Variants in RNF25 observed in about 807,000 individuals in gnomAD.
RNF25 encodes E3 ubiquitin-protein ligase RNF25.
Under a neutral mutation model 65.0 loss-of-function variants are expected in RNF25, and 32 were observed. The observed-to-expected ratio is 0.49, with a 90% CI of 0.37 to 0.66. RNF25 has a LOEUF of 0.66. Ranked by LOEUF, RNF25 falls within the 30% of genes least tolerant of loss-of-function variation. The pLI, the probability that RNF25 is intolerant of heterozygous loss-of-function variation, is 0.00. For synonymous variants in RNF25, 207 were observed against 221.2 expected (o/e 0.94, Z 0.57); for missense variants, 493 against 584.8 (o/e 0.84, Z 1.62).
At chr2:218,670,200 T>TA (rs71403058) in intron 1 of RNF25, among the ~76,000 whole-genome samples, 2,151 of 120,664 alleles carry the variant, frequency 0.018, 48 homozygotes, top group African/African-American at 0.039. Flanking sequence ...CTCTGTCTCT[T>TA]AAAAAAAAAA....
Position 218,664,802 on chromosome 2 carries a change from C to T in RNF25, c.738G>A (p.Gln246=). Residue 246 remains glutamine, a synonymous_variant, in exon 9 of 10, where the codon CAG becomes CAA. Coordinates refer to ENST00000295704, the MANE Select transcript of RNF25 (RefSeq NM_022453.3). This position sits in a 1 kb window ranked among gnomAD's most constrained non-coding sequence, Gnocchi z 5.1. ...EERKRLYQRQ[Q]ERGGIIDLEA... ...CAAGGTCAATGATTCCCCCCCGCTC[C>T]TGCTGCCTCTGGTAGAGCCGCTTGC... is the stretch of plus-strand genomic sequence containing the variant. 2 of 1,614,278 alleles carry T rather than the reference C, an allele frequency of 1.2e-6. No homozygotes were observed. The highest frequency in any genetic ancestry group is 1.7e-6 in the Non-Finnish European group (2 of 1,180,054).
intron 1 of RNF25, among the ~76,000 whole-genome samples, chr2:218,668,995 A>C (rs1319589722): frequency 2.0e-5 from 3 of 152,296 alleles, no homozygotes; most frequent in Non-Finnish European, 2.9e-5. Context: ...TTTAAGTTTC[A>C]TTCCCCTTAG....
At chr2:218,666,114 C>G (rs1179229085) in intron 6 of RNF25, 45 bp downstream of exon 6, 3 of 1,612,366 alleles carry the variant, frequency 1.9e-6, no homozygotes, top group Non-Finnish European at 2.5e-6. Context: ...CAGCCCTCAT[C>G]TGCTGGTCCC....
chr2:218,671,883 T>C (rs755215914), intron 1 of RNF25, 47 bp downstream of exon 1: 27 of 1,610,402 alleles, frequency 1.7e-5, no homozygotes, highest in Non-Finnish European at 2.3e-5. Flanking sequence ...GCTAGGCCTC[T>C]GGACTAGATC....
At position 218,668,133 on chromosome 2, in the gene RNF25, A is replaced by G; in HGVS notation, c.233T>C (p.Val78Ala). The G allele has an allele frequency of 6.2e-7, 1 of 1,614,148 alleles. No homozygotes were observed. The highest frequency in any genetic ancestry group is 8.5e-7 in the Non-Finnish European group (1 of 1,180,008). ...GGGATTTCGGATAGAGATCTGTGGCACCTCATGGGGATACTAGTGGGGGCA... is the reference window on the plus strand; with the variant it reads ...GGGATTTCGGATAGAGATCTGTGGCGCCTCATGGGGATACTAGTGGGGGCA... ...LQVPAEYPHE[V>A]PQISIRNPRG... Residue 78 changes from valine to alanine, a missense_variant, in exon 4 of 10, where the codon GTG becomes GCG. By Grantham distance (64) the Val-to-Ala change is moderately conservative. This residue lies in a region of RNF25 where 108 missense variants were observed against 166.0 expected (regional missense o/e 0.65). Transcript: ENST00000295704.
intron 1 of RNF25, among the ~76,000 whole-genome samples, chr2:218,669,595 C>G (rs1010625565): frequency 6.6e-6 from 1 of 152,174 alleles, no homozygotes; most frequent in Non-Finnish European, 1.5e-5. Context: ...AAGGGACACA[C>G]ATACTTAAGC....
chr2:218,667,065 G>A (rs898444937), intron 5 of RNF25, among the ~76,000 whole-genome samples: 5 of 151,892 alleles, frequency 3.3e-5, no homozygotes, highest in Non-Finnish European at 5.9e-5. Flanking sequence ...CTATCTGGGA[G>A]GCTGAGGCAG....
In RNF25 at chr2:218,664,761, C is replaced by T; in HGVS notation, c.779G>A (p.Arg260Gln). ...CACCTGCTGAAGGCTGATGAAGTAT[C>T]GGTTTCGCTCAGCCTCAAGGTCAAT... is the stretch of plus-strand genomic sequence containing the variant. ...GIIDLEAERN[R>Q]YFISLQQPPA... Residue 260 changes from arginine to glutamine, a missense_variant, in exon 9 of 10, where the codon CGA (arginine) becomes CAA (glutamine). Transcript: ENST00000295704. This position sits in a 1 kb window ranked among gnomAD's most constrained non-coding sequence, Gnocchi z 5.1. The T allele has an allele frequency of 1.2e-6, 2 of 1,614,228 alleles. No individual in the cohort carries two copies.
At position 218,664,883 on chromosome 2, in the gene RNF25, A is replaced by C. The variant is rs542426938; in HGVS notation, c.667-10T>G. ...TGGGCTGGTACAGCTCCTGGAAGGA[A>C]GAATGGCAGAGAGGAAATAATGAAC... On this transcript the variant is annotated splice_polypyrimidine_tract_variant and intron_variant, in intron 8 of 9. Transcript: ENST00000295704. The surrounding 1 kb of genome is among the most constrained non-coding windows in gnomAD (Gnocchi z 5.1). The C allele has an allele frequency of 2.3e-4, 368 of 1,614,072 alleles. 2 individuals are homozygous for C. In the South Asian group the frequency reaches 3.5e-3, roughly 16 times the overall value.
chr2:218,667,013 A>G (rs1939836944), intron 5 of RNF25, among the ~76,000 whole-genome samples: 2 of 152,058 alleles, frequency 1.3e-5, no homozygotes, highest in Admixed American at 6.5e-5. Flanking sequence ...TACTAAAAAT[A>G]TAAAATTAGC....
intron 1 of RNF25, 52 bp from the exon 2 acceptor site, chr2:218,668,731 C>T (rs756482121): frequency 2.2e-5 from 28 of 1,262,532 alleles, no homozygotes; most frequent in African/African-American, 4.5e-5. Context: ...CCTGTGGAAG[C>T]CTGCTAAGGC....
intron 7 of RNF25, among the ~76,000 whole-genome samples, 196 bp from the exon 8 acceptor site, chr2:218,665,443 G>A (rs1295342788): frequency 6.6e-6 from 1 of 152,116 alleles, no homozygotes; most frequent in East Asian, 1.9e-4. Flanking sequence ...ATATGTAAGT[G>A]TATATAAGGA....
In RNF25 at chr2:218,664,551, AAGATGCAGTGAGGG is replaced by A; in HGVS notation, c.802-30_802-17del. 2 of 1,608,044 alleles carry A rather than the reference AAGATGCAGTGAGGG, an allele frequency of 1.2e-6. No homozygotes were observed. Among genetic ancestry groups the A allele is most frequent in the Non-Finnish European group, 1.7e-6 (2 of 1,176,404 alleles). On this transcript the variant is annotated splice_polypyrimidine_tract_variant and intron_variant, in intron 9 of 9. Coordinates refer to ENST00000295704, the MANE Select transcript of RNF25 (RefSeq NM_022453.3). This position sits in a 1 kb window ranked among gnomAD's most constrained non-coding sequence, Gnocchi z 5.1. ...GGGCAGGAGGCTAGAAATAAGTGAC[AAGATGCAGTGAGGG>A]AGATGCAGTTCCTCAAGGTGGGGAA...
In RNF25 at chr2:218,664,481, G is replaced by T; in HGVS notation, c.856C>A (p.Pro286Thr). ...AGTTCTGCTGCAAGGGTGCTGGGTG[G>T]TTGGGATCCTTTGGAGACATCTACA... The part of the protein sequence containing the change: ...SAVDVSKGSQ[P>T]PSTLAAELST... Residue 286 changes from proline (P) to threonine (T), a missense_variant, in exon 10 of 10, where the codon CCA (proline) becomes ACA (threonine). Pro to Thr is a conservative substitution (Grantham distance 38, BLOSUM62 -1). Around this residue, in one of 3 missense-constraint regions of RNF25, gnomAD observed 351 missense variants for 400.2 expected, o/e 0.88. Coordinates refer to ENST00000295704, the MANE Select transcript of RNF25 (RefSeq NM_022453.3). This position sits in a 1 kb window ranked among gnomAD's most constrained non-coding sequence, Gnocchi z 5.1. 1 of 1,614,132 alleles carries T rather than the reference G, an allele frequency of 6.2e-7. No individual in the cohort carries two copies. The highest frequency in any genetic ancestry group is 2.2e-5 in the East Asian group (1 of 44,884).
rs766529871 is a variant in RNF25 at position 218,667,973 on chromosome 2, T to A, written c.296A>T (p.Gln99Leu). 2 of 1,614,188 alleles carry A rather than the reference T, an allele frequency of 1.2e-6. No individual in the cohort carries two copies. The highest frequency in any genetic ancestry group is 1.7e-5 in the Admixed American group (1 of 60,024). ...LSDEQIHTIL[Q>L]VLGHVAKAGL... Reference sequence around the variant, plus strand: ...AGCCTTGGCCACGTGGCCCAGCACCTGTAAGATCCTGGAGGAAGAGGGCAA... The same window carrying A: ...AGCCTTGGCCACGTGGCCCAGCACCAGTAAGATCCTGGAGGAAGAGGGCAA... The change falls in exon 5 of 10, where the codon CAG becomes CTG. Residue 99 changes from glutamine (Q) to leucine (L), a missense_variant. By Grantham distance (113) the Gln-to-Leu change is moderately radical (BLOSUM62 -2). Transcript: ENST00000295704.
At chr2:218,665,385 C>G (rs1939801133) in intron 7 of RNF25, 138 bp from the exon 8 acceptor site, 1 of 690,540 alleles carries the variant, frequency 1.4e-6, no homozygotes, top group Admixed American at 2.9e-5. Flanking sequence ...TGGGACAGAG[C>G]ACGGGTTGTC....
Position 218,671,996 on chromosome 2 carries a change from C to T in RNF25, c.-26G>A, listed in dbSNP as rs1333603739. 3 of 1,614,216 alleles carry T rather than the reference C, an allele frequency of 1.9e-6. No individual in the cohort carries two copies. On this transcript the variant is annotated 5_prime_UTR_variant, in exon 1 of 10. Coordinates refer to ENST00000295704, the MANE Select transcript of RNF25 (RefSeq NM_022453.3). ...ATCTTCACCGGCCCGCAGCCGGAAC[C>T]GGAAATGCCCTTAGGGAAGTCGGAG... is the stretch of plus-strand genomic sequence containing the variant.
At chr2:218,668,896 TGAA>T (rs796629548) in intron 1 of RNF25, among the ~76,000 whole-genome samples, 70 of 152,338 alleles carry the variant, frequency 4.6e-4, no homozygotes, top group African/African-American at 1.5e-3. Context: ...TGCCAACAGA[TGAA>T]GAAGTGGATT....
chr2:218,670,776 TCAGA>T (rs1159055527), intron 1 of RNF25, among the ~76,000 whole-genome samples: 2 of 143,546 alleles, frequency 1.4e-5, no homozygotes, highest in South Asian at 2.2e-4. Context: ...AGGTGTGGAG[TCAGA>T]CAGATATGGA....
Sources: gnomAD v4.1 joint callset for allele counts (sites outside exome capture counted in the v4.1 genomes callset) on GRCh38, gnomAD v4.1.1 for gene constraint, gnomAD v4.1.1 regional missense constraint, Gnocchi (gnomAD v3.1) non-coding constraint, MANE v1.5 for transcripts, NCBI Gene and HGNC (gene_info 2026-07-23, HGNC 2026-07-21) for gene names.